Variants in PTPRN2 observed in about 807,000 individuals in gnomAD.
PTPRN2 encodes receptor-type tyrosine-protein phosphatase N2.
In PTPRN2, 74 loss-of-function variants were observed where a neutral mutation model predicts 118.8. The observed-to-expected ratio is 0.62, with a 90% confidence interval of 0.52 to 0.76. PTPRN2 has a LOEUF of 0.76. Ranked by LOEUF, PTPRN2 falls within the 30% of genes least tolerant of loss-of-function variation. The probability of loss-of-function intolerance (pLI) is 0.00; values close to 1 mark genes in which losing one functional copy is unlikely to be tolerated. For missense variants in PTPRN2, 1,481 were observed against 1,394.4 expected (o/e 1.06, Z -0.99); for synonymous variants, 641 against 608.0 (o/e 1.05, Z -0.80).
rs994550522 is a variant in PTPRN2 at position 158,132,083 on chromosome 7, C to T, written c.1556+1594G>A. Among the ~76,000 whole-genome samples the T allele has an allele frequency of 5.0e-4, 76 of 151,690 alleles. 1 individual carries two copies. The highest frequency in any genetic ancestry group is 4.9e-3 in the East Asian group (25 of 5,144). On this transcript the variant is annotated intron_variant, in intron 9 of 22. Coordinates refer to ENST00000389418, the MANE Select transcript of PTPRN2 (RefSeq NM_002847.5). Reference sequence around the variant, plus strand: ...AACCGATACACATCTACCTGACACACACACACACGCACATATGCACAGATA... The same window carrying T: ...AACCGATACACATCTACCTGACACATACACACACGCACATATGCACAGATA...
In PTPRN2 at chr7:157,845,412, A is replaced by ACCACACC. The variant is rs1808727260; in HGVS notation, c.1788+53260_1788+53261insGGTGTGG. ...ATCACGCAGCCTAACTCACCAGGTT[A>ACCACACC]CTGGCCTAACTCACCATGTTCCCGG... is the stretch of plus-strand genomic sequence containing the variant. On this transcript the variant is annotated intron_variant, in intron 12 of 22. Transcript: ENST00000389418. The surrounding 1 kb of genome is among the most constrained non-coding windows in gnomAD (Gnocchi z 4.5). Among the ~76,000 whole-genome samples, 1 of 140,702 alleles carries ACCACACC rather than the reference A, an allele frequency of 7.1e-6. No homozygotes were observed. Among genetic ancestry groups the ACCACACC allele is most frequent in the South Asian group, 2.1e-4 (1 of 4,700 alleles). 92.3% of individuals were successfully genotyped at this position (140,702 alleles called of 152,430 possible).
chr7:157,814,117 A>T (rs1806236136), intron 12 of PTPRN2, among the ~76,000 whole-genome samples: 1 of 152,176 alleles, frequency 6.6e-6, no homozygotes, highest in East Asian at 1.9e-4. Context: ...CCCCTGGGGG[A>T]CACGGCGAAG....
chr7:158,520,954 G>A (rs777726274), intron 1 of PTPRN2, among the ~76,000 whole-genome samples: 1 of 152,114 alleles, frequency 6.6e-6, no homozygotes, highest in South Asian at 2.1e-4. Context: ...ATGAGGGCCT[G>A]GCCGAGATCT....
chr7:158,462,717 C>T (rs1431690094), intron 2 of PTPRN2, among the ~76,000 whole-genome samples: 1 of 152,124 alleles, frequency 6.6e-6, no homozygotes, highest in East Asian at 1.9e-4. Context: ...GTGCTGATGA[C>T]AGGTTCATTT....
intron 2 of PTPRN2, among the ~76,000 whole-genome samples, chr7:158,376,838 C>T (rs1205616180): frequency 4.8e-5 from 4 of 84,044 alleles, no homozygotes; most frequent in South Asian, 5.5e-4. Context: ...ACATCCTGCA[C>T]GCGGGGTCAG....
At chr7:157,602,678 GTCA>G (rs1563252061) in intron 16 of PTPRN2, among the ~76,000 whole-genome samples, 3 of 146,022 alleles carry the variant, frequency 2.1e-5, no homozygotes, top group Admixed American at 6.8e-5. Flanking sequence ...AGCACCGTCC[GTCA>G]TCAGTGGCCG....
intron 2 of PTPRN2, among the ~76,000 whole-genome samples, chr7:158,324,995 A>C (rs1803370743): frequency 6.6e-6 from 1 of 151,554 alleles, no homozygotes; most frequent in African/African-American, 2.4e-5. Flanking sequence ...GAGAAACGTC[A>C]CTCACTGCGT....
In PTPRN2 at chr7:158,526,549, G is replaced by A. The variant is rs1824796718; in HGVS notation, c.113-36764C>T. The stretch of plus-strand genomic sequence containing the variant: ...ATTCCTGATCCCATTTCCTGTTTGT[G>A]GGTGTGATGGCTGAGTTGTGCACCC... On this transcript the variant is annotated intron_variant, in intron 1 of 22. Coordinates refer to ENST00000389418, the MANE Select transcript of PTPRN2 (RefSeq NM_002847.5). The surrounding 1 kb of genome is among the most constrained non-coding windows in gnomAD (Gnocchi z 5.2). Among the ~76,000 whole-genome samples, 1 of 152,152 alleles carries A rather than the reference G, an allele frequency of 6.6e-6. No individual in the cohort carries two copies. The highest frequency in any genetic ancestry group is 1.5e-5 in the Non-Finnish European group (1 of 68,038).
chr7:158,499,255 T>C (rs1822181237), intron 1 of PTPRN2, among the ~76,000 whole-genome samples: 1 of 152,150 alleles, frequency 6.6e-6, no homozygotes, highest in African/African-American at 2.4e-5. Context: ...AGTATTTCTA[T>C]TCCCTGGGCC....
At chr7:157,677,014 A>T (rs1796701290) in intron 13 of PTPRN2, among the ~76,000 whole-genome samples, 1 of 152,046 alleles carries the variant, frequency 6.6e-6, no homozygotes, top group African/African-American at 2.4e-5. Context: ...GTGAGCACCC[A>T]TCCTCCTCCC....
At chr7:158,076,992 T>C (rs2128927052) in intron 11 of PTPRN2, among the ~76,000 whole-genome samples, 1 of 152,338 alleles carries the variant, frequency 6.6e-6, no homozygotes. Flanking sequence ...CTGGCTGGAT[T>C]GTAAGTATGT....
At position 157,794,421 on chromosome 7, in the gene PTPRN2, A is replaced by G. The variant is rs1300688114; in HGVS notation, c.1788+104252T>C. ...GCGGTGACCAATTATAGCGTCGACG[A>G]TGGCAGCTTCCCTCTGAAAGCCCAT... On this transcript the variant is annotated intron_variant, in intron 12 of 22. Transcript: ENST00000389418. This position sits in a 1 kb window ranked among gnomAD's most constrained non-coding sequence, Gnocchi z 5.2. Among the ~76,000 whole-genome samples the G allele has an allele frequency of 1.3e-5, 2 of 152,172 alleles. No individual in the cohort carries two copies. The highest frequency in any genetic ancestry group is 4.8e-5 in the African/African-American group (2 of 41,436).
intron 11 of PTPRN2, among the ~76,000 whole-genome samples, chr7:158,053,099 A>AT (rs1036391239): frequency 7.2e-5 from 11 of 151,896 alleles, no homozygotes; most frequent in Non-Finnish European, 1.5e-4. Flanking sequence ...CTGGGAGGGG[A>AT]TTTTTTTTCA....
At chr7:158,548,744 A>G (rs1437836552) in intron 1 of PTPRN2, among the ~76,000 whole-genome samples, 1 of 152,176 alleles carries the variant, frequency 6.6e-6, no homozygotes, top group Non-Finnish European at 1.5e-5. Context: ...GCATGACTCT[A>G]AGCCCAGTGT....
intron 12 of PTPRN2, among the ~76,000 whole-genome samples, chr7:157,760,037 C>G (rs1391594531): frequency 6.6e-6 from 1 of 152,236 alleles, no homozygotes; most frequent in Admixed American, 6.5e-5. Flanking sequence ...TCCAGCCTTC[C>G]CTGTTCACAG....
intron 2 of PTPRN2, among the ~76,000 whole-genome samples, chr7:158,389,183 G>A (rs748357615): frequency 7.2e-5 from 11 of 152,236 alleles, no homozygotes; most frequent in African/African-American, 2.4e-4. Context: ...AGGCAGGTGC[G>A]GCCACTGAGG....
chr7:157,876,450 C>T (rs1795772962), intron 12 of PTPRN2, among the ~76,000 whole-genome samples: 1 of 152,210 alleles, frequency 6.6e-6, no homozygotes, highest in South Asian at 2.1e-4. Context: ...TTTCCTGTGG[C>T]AAGTTATCCC....
Position 157,676,327 on chromosome 7 carries a change from A to G in PTPRN2, c.2001+6398T>C, listed in dbSNP as rs1410248590. Among the ~76,000 whole-genome samples the G allele has an allele frequency of 6.6e-6, 1 of 151,842 alleles. No homozygotes were observed. The highest frequency in any genetic ancestry group is 1.5e-5 in the Non-Finnish European group (1 of 67,948). Reference sequence around the variant, plus strand: ...TCTCCCGCCAGCCGCCAAGAGCTCCACCCACCACCTGGCCCAGCCCCTCCT... The same window carrying G: ...TCTCCCGCCAGCCGCCAAGAGCTCCGCCCACCACCTGGCCCAGCCCCTCCT... On this transcript the variant is annotated intron_variant, in intron 13 of 22. Transcript: ENST00000389418. This position sits in a 1 kb window ranked among gnomAD's most constrained non-coding sequence, Gnocchi z 5.6.
chr7:158,044,655 AG>A (rs1220365791), intron 11 of PTPRN2, among the ~76,000 whole-genome samples: 6 of 152,238 alleles, frequency 3.9e-5, no homozygotes, highest in African/African-American at 1.4e-4. Flanking sequence ...ACAGGGGACA[AG>A]GAGAACCCGT....
Sources: gnomAD v4.1 joint callset for allele counts (sites outside exome capture counted in the v4.1 genomes callset) on GRCh38, gnomAD v4.1.1 for gene constraint, Gnocchi (gnomAD v3.1) non-coding constraint, MANE v1.5 for transcripts, NCBI Gene and HGNC (gene_info 2026-07-23, HGNC 2026-07-21) for gene names.